ZBED6: variants seen among roughly 807,000 people sequenced by gnomAD.
ZBED6 encodes zinc finger BED-type containing 6.
ZBED6 carries 40 observed loss-of-function variants against 58.4 expected under a neutral mutation model. That is an observed-to-expected ratio of 0.68 (90% CI 0.53 to 0.89). The LOEUF is 0.89. Among genes scored for constraint, ZBED6 ranks in the 40% least tolerant of loss-of-function variants. The pLI, the probability that ZBED6 is intolerant of heterozygous loss-of-function variation, is 0.00. For synonymous variants in ZBED6, 439 were observed against 350.6 expected, an observed-to-expected ratio of 1.25 and a Z score of -2.82; for missense variants, 1,057 against 1,003.9, an observed-to-expected ratio of 1.05 and a Z score of -0.71.
At chr1:203,803,634 T>C (rs1671199847) in intron 1 of ZBED6, among the ~76,000 whole-genome samples, 1 of 152,236 alleles carries the variant, frequency 6.6e-6, no homozygotes, top group Non-Finnish European at 1.5e-5. Flanking sequence ...AACAGGGTCT[T>C]GTGCTCTGTC....
intron 1 of ZBED6, among the ~76,000 whole-genome samples, chr1:203,807,897 A>G (rs1413093243): frequency 6.6e-6 from 1 of 151,790 alleles, no homozygotes; most frequent in Non-Finnish European, 1.5e-5. Context: ...ATGTGCCACC[A>G]TACCTGGCTA....
chr1:203,799,303 A>G (rs755566152), exon 1 of ZBED6: 2 of 715,322 alleles, frequency 2.8e-6, no homozygotes, highest in Admixed American at 2.0e-5. Context: ...GTCATTCAGG[A>G]CTTTTTCTGC....
chr1:203,842,231 T>C (rs1686575863), intron 11 of ZBED6, among the ~76,000 whole-genome samples: 1 of 152,022 alleles, frequency 6.6e-6, no homozygotes, highest in Admixed American at 6.6e-5. Flanking sequence ...CTCAGCACTT[T>C]GGGAGGCAAG....
intron 1 of ZBED6, among the ~76,000 whole-genome samples, chr1:203,815,535 C>T (rs1676086734): frequency 6.6e-6 from 1 of 151,980 alleles, no homozygotes; most frequent in South Asian, 2.1e-4. Context: ...ATTATTAAAA[C>T]AAGATTGTGA....
exon 1 of ZBED6, chr1:203,799,304 C>T (rs758526211): frequency 4.2e-6 from 3 of 715,086 alleles, no homozygotes; most frequent in South Asian, 1.5e-5. Flanking sequence ...TCATTCAGGA[C>T]TTTTTCTGCG....
intron 3 of ZBED6, among the ~76,000 whole-genome samples, chr1:203,820,007 C>T (rs189229953): frequency 6.6e-4 from 100 of 150,502 alleles, no homozygotes; most frequent in Admixed American, 1.1e-3. Flanking sequence ...TAGGCTGAGG[C>T]GGGTGAATCA....
exon 1 of ZBED6, chr1:203,797,408 A>T: frequency 9.7e-7 from 1 of 1,035,190 alleles, no homozygotes; most frequent in Non-Finnish European, 1.3e-6. Flanking sequence ...TGGGAATTTG[A>T]TTCCCCATAG....
chr1:203,797,904 A>G (rs1669162905), exon 1 of ZBED6: 2 of 1,535,996 alleles, frequency 1.3e-6, no homozygotes, highest in Non-Finnish European at 1.7e-6. Flanking sequence ...TCTACCTAGT[A>G]CTAGAGCCAA....
At chr1:203,832,276 G>T (rs1257905536) in intron 8 of ZBED6, among the ~76,000 whole-genome samples, 2 of 152,014 alleles carry the variant, frequency 1.3e-5, no homozygotes, top group African/African-American at 4.8e-5. Flanking sequence ...GGTCTGGCTG[G>T]TCTCAAACTC....
chr1:203,799,394 G>C, exon 1 of ZBED6: 1 of 703,228 alleles, frequency 1.4e-6, no homozygotes, highest in East Asian at 2.7e-5. Flanking sequence ...AGGCCCGTCA[G>C]ATACTGCAAG....
intron 1 of ZBED6, among the ~76,000 whole-genome samples, chr1:203,813,173 T>G (rs1675093526): frequency 6.6e-6 from 1 of 152,074 alleles, no homozygotes; most frequent in African/African-American, 2.4e-5. Context: ...CTTTTTAATT[T>G]TAATGAACTC....
chr1:203,844,156 T>G (rs1172368340), intron 11 of ZBED6, among the ~76,000 whole-genome samples: 1 of 145,366 alleles, frequency 6.9e-6, no homozygotes, highest in Non-Finnish European at 1.5e-5. Context: ...TGTGCCCGCC[T>G]TTATTTTTTA....
rs386369376 is a variant in ZBED6 at position 203,812,578 on chromosome 1, AT to A, written c.*2555-4327del. On this transcript the variant is annotated intron_variant, in intron 1 of 16. Transcript: ENST00000550078. Reference sequence around the variant, plus strand: ...GTATTTTGGATTTTAGCCATTCTAAATTTTTTTTTTTTTTTTTTTTTGAGAC... The same window carrying A: ...GTATTTTGGATTTTAGCCATTCTAAATTTTTTTTTTTTTTTTTTTTGAGAC... Among the ~76,000 whole-genome samples the A allele has an allele frequency of 4.1e-3, 447 of 109,298 alleles. 3 individuals carry two copies. Among genetic ancestry groups the A allele is most frequent in the African/African-American group, 0.015 (397 of 27,240 alleles). 71.7% of individuals were successfully genotyped at this position (109,298 alleles called of 152,430 possible).
chr1:203,807,074 G>A (rs138880386), intron 1 of ZBED6, among the ~76,000 whole-genome samples: 1 of 151,424 alleles, frequency 6.6e-6, no homozygotes, highest in East Asian at 2.0e-4. Flanking sequence ...TTTAGAGATG[G>A]GGTCTCATTG....
At chr1:203,821,150 T>A (rs969201272) in intron 3 of ZBED6, among the ~76,000 whole-genome samples, 6 of 152,086 alleles carry the variant, frequency 3.9e-5, no homozygotes, top group African/African-American at 1.4e-4. Context: ...AGTGAGTGCG[T>A]TCTCGTGAGA....
chr1:203,840,610 T>C (rs1053584263), intron 11 of ZBED6, among the ~76,000 whole-genome samples: 13 of 148,412 alleles, frequency 8.8e-5, no homozygotes, highest in Non-Finnish European at 1.9e-4. Context: ...AGGAAATTAT[T>C]TATTTATTTA....
At chr1:203,796,257 C>G (rs1188536007) in exon 1 of ZBED6, 10 of 395,220 alleles carry the variant, frequency 2.5e-5, no homozygotes, top group Non-Finnish European at 4.5e-5. Context: ...GACTGAGTGC[C>G]GGGCGCTGAA....
chr1:203,853,316 A>G (rs1689638896), exon 17 of ZBED6: 1 of 152,644 alleles, frequency 6.6e-6, no homozygotes, highest in Admixed American at 6.5e-5. Flanking sequence ...CCTGAGGGAA[A>G]AAATGAGCTT....
exon 1 of ZBED6, chr1:203,797,538 C>T (rs1558085498): frequency 6.6e-7 from 1 of 1,520,986 alleles, no homozygotes; most frequent in Non-Finnish European, 8.8e-7. Flanking sequence ...TGTATGTACT[C>T]TAAGTGTACC....
Sources: allele counts gnomAD v4.1 joint callset (sites outside exome capture counted in the v4.1 genomes callset), GRCh38; gene constraint gnomAD v4.1.1; transcripts MANE v1.5; gene names NCBI Gene and HGNC (gene_info 2026-07-23, HGNC 2026-07-21).